The following RPL14 variants were observed in gnomAD, a reference collection of about 807,000 sequenced individuals.
The protein encoded by RPL14 is large ribosomal subunit protein eL14.
In RPL14, 4 loss-of-function variants were observed where a neutral mutation model predicts 25.3. The observed-to-expected ratio is 0.16, with a 90% CI of 0.08 to 0.36. The LOEUF (loss-of-function observed/expected upper bound fraction) is 0.36. RPL14 is among the 10% of genes least tolerant of loss of function. The probability of loss-of-function intolerance (pLI) is 1.00; values close to 1 mark genes in which losing one functional copy is unlikely to be tolerated. For synonymous variants in RPL14, 75 were observed against 89.8 expected, an observed-to-expected ratio of 0.84 and a Z score of 0.93; for missense variants, 212 against 261.9, an observed-to-expected ratio of 0.81 and a Z score of 1.31.
At position 40,461,403 on chromosome 3, in the gene RPL14, C is replaced by G; in HGVS notation, c.201-4C>G. On this transcript the variant is annotated splice_region_variant and splice_polypyrimidine_tract_variant and intron_variant, in intron 3 of 5. Coordinates refer to ENST00000396203, the MANE Select transcript of RPL14 (RefSeq NM_001034996.3). ...TCTTAATCTGTGGTCTTGGCTCGTTCTAGTGCCCACCAGAAGTATGTCCGA... is the reference window on the plus strand; with the variant it reads ...TCTTAATCTGTGGTCTTGGCTCGTTGTAGTGCCCACCAGAAGTATGTCCGA... 6.2e-7 allele frequency: 1 copy of G among 1,613,844 alleles called. No individual in the cohort carries two copies. The highest frequency in any genetic ancestry group is 2.2e-5 in the East Asian group (1 of 44,884).
chr3:40,458,089 A>C, intron 2 of RPL14, 98 bp downstream of exon 2: 1 of 1,009,330 alleles, frequency 9.9e-7, no homozygotes, highest in South Asian at 1.3e-5. Flanking sequence ...TGAGGATGCT[A>C]TGGGTAGTCG....
chr3:40,467,718 C>G lies in RPL14; in HGVS notation c.*5486C>G, dbSNP rs1311595150. ...AATCTACCTCATTCTTTTTTATCTT[C>G]TGCATAATAATCCACAACATGAATG... On this transcript the variant is annotated 3_prime_UTR_variant, in exon 6 of 6. Transcript: ENST00000396203. The G allele has an allele frequency of 1.3e-5, 2 of 152,212 alleles. No individual in the cohort carries two copies. Among genetic ancestry groups the G allele is most frequent in the African/African-American group, 4.8e-5 (2 of 41,454 alleles). The allele number at this position is 152,212 out of a possible 1,614,324, so 9.4% of individuals were successfully genotyped here.
rs1392359241 is a variant in RPL14 at position 40,462,643 on chromosome 3, T to A, written c.*411T>A. 6.2e-6 allele frequency: 1 copy of A among 161,182 alleles called. No individual in the cohort carries two copies. Among genetic ancestry groups the A allele is most frequent in the Non-Finnish European group, 1.4e-5 (1 of 73,664 alleles). 10.0% of individuals were successfully genotyped at this position (161,182 alleles called of 1,614,324 possible). On this transcript the variant is annotated 3_prime_UTR_variant, in exon 6 of 6. Transcript: ENST00000396203. ...CGCCCGCCTCGGCCTCCCAAAGTGCTAGGATTGCAGGCATGAGCCGCCGCG... is the reference window on the plus strand; with the variant it reads ...CGCCCGCCTCGGCCTCCCAAAGTGCAAGGATTGCAGGCATGAGCCGCCGCG...
At position 40,464,851 on chromosome 3, in the gene RPL14, G is replaced by T. The variant is rs760947305; in HGVS notation, c.*2619G>T. ...TGGTTGTGAGGGAACATGAGGCAGG[G>T]TAAAGTTTATCTAGGTAAAATGAGT... is the stretch of plus-strand genomic sequence containing the variant. On this transcript the variant is annotated 3_prime_UTR_variant, in exon 6 of 6. Transcript: ENST00000396203. 9 of 201,346 alleles carry T rather than the reference G, an allele frequency of 4.5e-5. No homozygotes were observed. Among genetic ancestry groups the T allele is most frequent in the African/African-American group, 6.8e-5 (3 of 43,982 alleles). 12.5% of individuals were successfully genotyped at this position (201,346 alleles called of 1,614,324 possible).
intron 1 of RPL14, 33 bp downstream of exon 1, chr3:40,457,507 T>A: frequency 6.7e-7 from 1 of 1,499,472 alleles, no homozygotes; most frequent in Non-Finnish European, 9.1e-7. Flanking sequence ...TGCAGCGGAA[T>A]CGGGCCCTTC....
rs1696990418 is a variant in RPL14, at chr3:40,463,972, A to AC, written c.*1741dup. ...ACAAAGCTGTACATGAAACAGGATT[A>AC]CTTTTTTTTTTTTTTTTGAGACAGA... On this transcript the variant is annotated 3_prime_UTR_variant, in exon 6 of 6. Transcript: ENST00000396203. 1.2e-5 allele frequency: 1 copy of AC among 81,652 alleles called. No homozygotes were observed. The highest frequency in any genetic ancestry group is 4.6e-5 in the African/African-American group (1 of 21,978). 5.1% of individuals were successfully genotyped at this position (81,652 alleles called of 1,614,324 possible).
rs989740133 is a variant in RPL14 at position 40,467,799 on chromosome 3, G to A, written c.*5567G>A. On this transcript the variant is annotated 3_prime_UTR_variant, in exon 6 of 6. Transcript: ENST00000396203. Reference sequence around the variant, plus strand: ...CGGATGATGCCAATTTCTTTTTCTGGTTTTTGTTTTTTGTGTGTGTGTGTT... The same window carrying A: ...CGGATGATGCCAATTTCTTTTTCTGATTTTTGTTTTTTGTGTGTGTGTGTT... 1 of 151,390 alleles carries A rather than the reference G, an allele frequency of 6.6e-6. No individual in the cohort carries two copies. Among genetic ancestry groups the A allele is most frequent in the Admixed American group, 6.6e-5 (1 of 15,188 alleles). The allele number at this position is 151,390 out of a possible 1,614,324, so 9.4% of individuals were successfully genotyped here.
intron 3 of RPL14, among the ~76,000 whole-genome samples, chr3:40,459,539 T>A (rs1200328738): frequency 6.6e-6 from 1 of 152,170 alleles, no homozygotes; most frequent in Non-Finnish European, 1.5e-5. Flanking sequence ...TAATTTTGCA[T>A]GCTTTAAAAA....
rs540256469 is a variant in RPL14, at chr3:40,465,837, T to C, written c.*3605T>C. ...ATCTTGGAATCTCTAGGAAAGTAAC[T>C]GAGGCATACGATGCCTGAAAAGGAG... On this transcript the variant is annotated 3_prime_UTR_variant, in exon 6 of 6. Coordinates refer to ENST00000396203, the MANE Select transcript of RPL14 (RefSeq NM_001034996.3). 2.0e-5 allele frequency: 3 copies of C among 152,244 alleles called. No individual in the cohort carries two copies. Among genetic ancestry groups the C allele is most frequent in the Non-Finnish European group, 4.4e-5 (3 of 68,004 alleles). 9.4% of individuals were successfully genotyped at this position (152,244 alleles called of 1,614,324 possible). A position where few individuals can be genotyped will look rare whatever the true frequency, so the allele number is the denominator to read the frequency against.
At chr3:40,457,499 C>T in intron 1 of RPL14, 25 bp downstream of exon 1, 4 of 1,518,136 alleles carry the variant, frequency 2.6e-6, no homozygotes, top group Non-Finnish European at 3.6e-6. Flanking sequence ...GCCGGCTGTG[C>T]AGCGGAATCG....
intron 3 of RPL14, 92 bp from the exon 4 acceptor site, chr3:40,461,315 G>A: frequency 9.8e-7 from 1 of 1,017,164 alleles, no homozygotes; most frequent in East Asian, 2.5e-5. Flanking sequence ...TTGTGTAACA[G>A]GAAGAGTGCT....
In RPL14 at chr3:40,462,522, G is replaced by T; in HGVS notation, c.*290G>T. ...CTCCTGAGCAGCTGGGACTACAGGT[G>T]CCCGCCACCGCGCCTGGCTAATTTT... On this transcript the variant is annotated 3_prime_UTR_variant, in exon 6 of 6. Coordinates refer to ENST00000396203, the MANE Select transcript of RPL14 (RefSeq NM_001034996.3). The T allele has an allele frequency of 4.1e-6, 1 of 243,882 alleles. No individual in the cohort carries two copies. Among genetic ancestry groups the T allele is most frequent in the South Asian group, 8.2e-5 (1 of 12,148 alleles). The allele number at this position is 243,882 out of a possible 1,614,324, so 15.1% of individuals were successfully genotyped here. A position where few individuals can be genotyped will look rare whatever the true frequency, so the allele number is the denominator to read the frequency against.
Position 40,462,400 on chromosome 3 carries a change from G to A in RPL14, c.*168G>A, listed in dbSNP as rs868173923. On this transcript the variant is annotated 3_prime_UTR_variant, in exon 6 of 6. Transcript: ENST00000396203. The stretch of plus-strand genomic sequence containing the variant: ...TTTTTTTTTTTTTTTTTTTTGAGAT[G>A]GAGTCTCGTTCTGTTGCTCAGGCCG... 3 of 626,284 alleles carry A rather than the reference G, an allele frequency of 4.8e-6. No homozygotes were observed. The highest frequency in any genetic ancestry group is 7.3e-6 in the Non-Finnish European group (3 of 410,662). 38.8% of individuals were successfully genotyped at this position (626,284 alleles called of 1,614,324 possible).
At position 40,457,351 on chromosome 3, in the gene RPL14, C is replaced by G; in HGVS notation, c.-121C>G. On this transcript the variant is annotated 5_prime_UTR_variant, in exon 1 of 6. Coordinates refer to ENST00000396203, the MANE Select transcript of RPL14 (RefSeq NM_001034996.3). The stretch of plus-strand genomic sequence containing the variant: ...GCGGGTCTTCTTCCTTCTCGCCTAA[C>G]GCCGCCAACATGGTGAGTCTTACTG... 3 of 1,605,858 alleles carry G rather than the reference C, an allele frequency of 1.9e-6. No individual in the cohort carries two copies. Among genetic ancestry groups the G allele is most frequent in the Non-Finnish European group, 1.7e-6 (2 of 1,175,970 alleles).
chr3:40,464,586 G>A lies in RPL14; in HGVS notation c.*2354G>A, dbSNP rs1339921743. On this transcript the variant is annotated 3_prime_UTR_variant, in exon 6 of 6. Transcript: ENST00000396203. Reference sequence around the variant, plus strand: ...GTGGTTAGATCGTGTAGGGGAACACGGGAAGCTACTGAGGGTTTTTTAAAA... The same window carrying A: ...GTGGTTAGATCGTGTAGGGGAACACAGGAAGCTACTGAGGGTTTTTTAAAA... 1.8e-5 allele frequency: 8 copies of A among 449,478 alleles called. No individual in the cohort carries two copies. The highest frequency in any genetic ancestry group is 9.4e-5 in the South Asian group (6 of 64,008). 27.8% of individuals were successfully genotyped at this position (449,478 alleles called of 1,614,324 possible).
Position 40,461,974 on chromosome 3 carries a change from T to C in RPL14, c.390T>C (p.Leu130=). 2 of 1,606,918 alleles carry C rather than the reference T, an allele frequency of 1.2e-6. No homozygotes were observed. The highest frequency in any genetic ancestry group is 2.2e-5 in the South Asian group (2 of 90,020). ...NRIIKNEVKK[L]QKAALLKASP... ...TAATCAAGAATGAAGTTAAGAAGCT[T>C]CAAAAGGCAGCTCTCCTGAAAGCTT... The change falls in exon 6 of 6, where the codon CTT becomes CTC. Residue 130 remains leucine, a synonymous_variant. Coordinates refer to ENST00000396203, the MANE Select transcript of RPL14 (RefSeq NM_001034996.3).
At chr3:40,459,835 G>A (rs1696905260) in intron 3 of RPL14, among the ~76,000 whole-genome samples, 1 of 130,582 alleles carries the variant, frequency 7.7e-6, no homozygotes. Flanking sequence ...CTCCAGCCTG[G>A]GTGACAGAGC....
Position 40,464,620 on chromosome 3 carries a change from TATCTC to T in RPL14, c.*2390_*2394del, listed in dbSNP as rs1697001646. ...CTGAGGGTTTTTTAAAATGGCGTGA[TATCTC>T]AGATTTAGATCATTGAACTGTTAAG... On this transcript the variant is annotated 3_prime_UTR_variant, in exon 6 of 6. Coordinates refer to ENST00000396203, the MANE Select transcript of RPL14 (RefSeq NM_001034996.3). The T allele has an allele frequency of 6.9e-6, 3 of 434,342 alleles. No homozygotes were observed. The highest frequency in any genetic ancestry group is 1.4e-5 in the Non-Finnish European group (3 of 215,470). 26.9% of individuals were successfully genotyped at this position (434,342 alleles called of 1,614,324 possible).
rs1696967674 is a variant in RPL14 at position 40,462,838 on chromosome 3, C to T, written c.*606C>T. The T allele has an allele frequency of 6.6e-6, 1 of 152,186 alleles. No homozygotes were observed. 9.4% of individuals were successfully genotyped at this position (152,186 alleles called of 1,614,324 possible). A position where few individuals can be genotyped will look rare whatever the true frequency, so the allele number is the denominator to read the frequency against. Reference sequence around the variant, plus strand: ...TATGGTCACCTTGGCTTCAGAACATCTTTTTTCCTTGTACAAATATGTTTG... The same window carrying T: ...TATGGTCACCTTGGCTTCAGAACATTTTTTTTCCTTGTACAAATATGTTTG... On this transcript the variant is annotated 3_prime_UTR_variant, in exon 6 of 6. Coordinates refer to ENST00000396203, the MANE Select transcript of RPL14 (RefSeq NM_001034996.3).
Sources: gnomAD v4.1 joint callset for allele counts (sites outside exome capture counted in the v4.1 genomes callset) on GRCh38, gnomAD v4.1.1 for gene constraint, MANE v1.5 for transcripts, NCBI Gene and HGNC (gene_info 2026-07-23, HGNC 2026-07-21) for gene names.